Variants in SVIL observed in about 807,000 individuals in gnomAD.
SVIL encodes the protein supervillin, also known as archvillin.
Under a neutral mutation model 240.4 loss-of-function variants are expected in SVIL, and 101 were observed. The observed-to-expected ratio is 0.42, with a 90% CI of 0.36 to 0.50. The LOEUF is 0.50. Ranked by LOEUF, SVIL falls within the 20% of genes least tolerant of loss-of-function variation. The pLI is 0.01. For missense variants in SVIL, 2,512 were observed against 2,818.7 expected, an observed-to-expected ratio of 0.89 and a Z score of 2.46; for synonymous variants, 999 against 1,100.0, an observed-to-expected ratio of 0.91 and a Z score of 1.82.
At chr10:29,727,730 G>T (rs1964370717) in intron 1 of SVIL, among the ~76,000 whole-genome samples, 1 of 123,152 alleles carries the variant, frequency 8.1e-6, no homozygotes. Flanking sequence ...TGTGAATTAA[G>T]TCGTGAACAC....
upstream of SVIL, among the ~76,000 whole-genome samples, chr10:29,639,218 C>A (rs558073438): frequency 4.6e-5 from 7 of 152,304 alleles, no homozygotes; most frequent in East Asian, 1.4e-3. Flanking sequence ...TGTCACCAGG[C>A]TGGAGTGCAG....
At chr10:29,729,983 AG>A (rs1186459333) in intron 1 of SVIL, among the ~76,000 whole-genome samples, 1 of 151,004 alleles carries the variant, frequency 6.6e-6, no homozygotes, top group Non-Finnish European at 1.5e-5. Flanking sequence ...GAGCCCAGGG[AG>A]CTCGAGACCA....
chr10:29,580,262 C>T (rs960419563), intron 1 of SVIL, among the ~76,000 whole-genome samples: 5 of 152,040 alleles, frequency 3.3e-5, no homozygotes, highest in African/African-American at 9.7e-5. Flanking sequence ...GTGGGAGGAG[C>T]GTTTGAACCC....
chr10:29,532,745 C>G lies in SVIL; in HGVS notation c.1622G>C (p.Arg541Pro), dbSNP rs780991415. The change falls in exon 8 of 38, where the codon CGC (arginine) becomes CCC (proline). Residue 541 changes from arginine (R) to proline (P), a missense_variant. Arg to Pro is a moderately radical substitution (Grantham distance 103, BLOSUM62 -2). Around this residue, in one of 3 missense-constraint regions of SVIL, gnomAD observed 1,443 missense variants for 1,486.6 expected, o/e 0.97. Coordinates refer to ENST00000355867, the MANE Select transcript of SVIL (RefSeq NM_021738.3). ...TGHNREASKK[R>P]KVRTRSLSDF... ...TGACAGAGAGCGGGTACGGACCTTG[C>G]GCTTTTTCGAGGCTTCCCTGTTGTG... The G allele has an allele frequency of 1.2e-6, 2 of 1,614,026 alleles. No homozygotes were observed. The highest frequency in any genetic ancestry group is 4.5e-5 in the East Asian group (2 of 44,886).
chr10:29,657,748 T>A (rs980362761), intron 3 of SVIL: 2 of 152,126 alleles, frequency 1.3e-5, no homozygotes, highest in African/African-American at 4.8e-5. Context: ...CGAGGAAAAA[T>A]GAAGACATTT....
In SVIL at chr10:29,521,137, C is replaced by T. The variant is rs572458976; in HGVS notation, c.3389+1273G>A. ...ACTTGGGAGGCTGAGGCAGGAGAAT[C>T]GCTTGAACCCGGGAGGCAGAGGTTG... On this transcript the variant is annotated intron_variant, in intron 16 of 37. Transcript: ENST00000355867. Among the ~76,000 whole-genome samples the T allele has an allele frequency of 1.4e-4, 21 of 150,384 alleles. 1 individual carries two copies. The highest frequency in any genetic ancestry group is 4.9e-5 in the African/African-American group (2 of 40,894).
intron 1 of SVIL, among the ~76,000 whole-genome samples, chr10:29,604,293 G>A (rs1281720663): frequency 6.7e-6 from 1 of 148,570 alleles, no homozygotes. Context: ...TCCACCTCCC[G>A]GGTTCAAGCA....
intron 1 of SVIL, among the ~76,000 whole-genome samples, chr10:29,593,591 G>A (rs769940480): frequency 8.5e-5 from 13 of 152,072 alleles, no homozygotes; most frequent in Non-Finnish European, 1.5e-4. Context: ...TCTGCCTCCC[G>A]GCCTCCTTCT....
At chr10:29,551,332 C>T in intron 5 of SVIL, 69 bp from the exon 6 acceptor site, 1 of 1,410,598 alleles carries the variant, frequency 7.1e-7, no homozygotes, top group African/African-American at 1.4e-5. Context: ...CACAGAATGA[C>T]ACTCTACTGC....
intron 1 of SVIL, among the ~76,000 whole-genome samples, chr10:29,608,524 C>T (rs562596079): frequency 2.2e-4 from 33 of 152,384 alleles, no homozygotes; most frequent in African/African-American, 7.5e-4. Context: ...CATCCCTGCA[C>T]TCTCCAGGGC....
At chr10:29,585,051 A>T (rs1455056920) in intron 1 of SVIL, among the ~76,000 whole-genome samples, 2 of 150,784 alleles carry the variant, frequency 1.3e-5, no homozygotes, top group African/African-American at 4.9e-5. Flanking sequence ...ATAGGTGCAC[A>T]TCACCATGCT....
At chr10:29,474,643 A>G (rs1945991138) in intron 29 of SVIL, among the ~76,000 whole-genome samples, 1 of 131,658 alleles carries the variant, frequency 7.6e-6, no homozygotes, top group Admixed American at 7.9e-5. Flanking sequence ...ATAAATAAAT[A>G]AAGTATTTGG....
chr10:29,536,067 G>C lies in SVIL; in HGVS notation c.830C>G (p.Thr277Arg). 1 of 1,614,126 alleles carries C rather than the reference G, an allele frequency of 6.2e-7. No homozygotes were observed. Among genetic ancestry groups the C allele is most frequent in the Non-Finnish European group, 8.5e-7 (1 of 1,179,968 alleles). ...PQLSPEARPS[T>R]GKPKHEWFLQ... ...AAACCACTCATGTTTGGGTTTCCCT[G>C]TACTATTGTGTACAAAAAACAAAAC... is the stretch of plus-strand genomic sequence containing the variant. The change falls in exon 7 of 38, where the codon ACA (threonine) becomes AGA (arginine). Residue 277 changes from threonine (T) to arginine (R), a missense_variant and splice_region_variant. This residue lies in a region of SVIL where 1,443 missense variants were observed against 1,486.6 expected (regional missense o/e 0.97). Coordinates refer to ENST00000355867, the MANE Select transcript of SVIL (RefSeq NM_021738.3).
intron 3 of SVIL, 150 bp from the exon 4 acceptor site, chr10:29,555,258 C>T: frequency 1.3e-6 from 1 of 771,396 alleles, no homozygotes; most frequent in Non-Finnish European, 2.0e-6. Flanking sequence ...TTCCTGCTTT[C>T]TTGGAAACTG....
chr10:29,697,949 A>G, intron 1 of SVIL: 1 of 720,812 alleles, frequency 1.4e-6, no homozygotes, highest in Non-Finnish European at 2.3e-6. Context: ...CGCACAAACA[A>G]ATTTACTATT....
chr10:29,459,289 A>T (rs12781380), intron 36 of SVIL, among the ~76,000 whole-genome samples: 21,650 of 151,934 alleles, frequency 0.14, 1,714 homozygotes, highest in East Asian at 0.3. Flanking sequence ...AATTTAAAAA[A>T]TTTTTTTGTA....
At chr10:29,540,104 C>T (rs1952034480) in intron 6 of SVIL, among the ~76,000 whole-genome samples, 2 of 152,182 alleles carry the variant, frequency 1.3e-5, no homozygotes, top group East Asian at 1.9e-4. Flanking sequence ...GTCTATCTTC[C>T]GCTTAGCAGC....
intron 1 of SVIL, chr10:29,712,092 G>A (rs1963330366): frequency 6.6e-6 from 1 of 152,160 alleles, no homozygotes; most frequent in Admixed American, 6.5e-5. Context: ...TGATGCTGCA[G>A]TTGTGATATT....
Position 29,458,456 on chromosome 10 carries a change from T to C in SVIL, c.6536A>G (p.Tyr2179Cys), listed in dbSNP as rs1271976465. The stretch of plus-strand genomic sequence containing the variant: ...TACCTCGAAGTCTTCGTCGGTGAGA[T>C]AGATCTCAAGCTTCAGAGGATCGAC... The part of the protein sequence containing the change: ...EGVDPLKLEI[Y>C]LTDEDFEFAL... The change falls in exon 37 of 38, where the codon TAT (tyrosine) becomes TGT (cysteine). Residue 2179 changes from tyrosine (Y) to cysteine (C), a missense_variant. By Grantham distance (194) the Tyr-to-Cys change is radical. Transcript: ENST00000355867. 2.5e-6 allele frequency: 4 copies of C among 1,581,908 alleles called. No homozygotes were observed. Among genetic ancestry groups the C allele is most frequent in the East Asian group, 2.3e-5 (1 of 44,420 alleles).
Sources: gnomAD v4.1 joint callset for allele counts (sites outside exome capture counted in the v4.1 genomes callset) on GRCh38, gnomAD v4.1.1 for gene constraint, gnomAD v4.1.1 regional missense constraint, MANE v1.5 for transcripts, NCBI Gene and HGNC (gene_info 2026-07-23, HGNC 2026-07-21) for gene names.